Variants in GRM4 observed in about 807,000 individuals in gnomAD.
The protein encoded by GRM4 is metabotropic glutamate receptor 4.
GRM4 carries 28 observed loss-of-function variants against 81.7 expected under a neutral mutation model. The ratio of observed to expected loss-of-function variants is 0.34; its 90% CI spans 0.25 to 0.47. The LOEUF is 0.47. Among genes scored for constraint, GRM4 ranks in the 20% least tolerant of loss-of-function variants. The probability of loss-of-function intolerance (pLI) is 1.00; values close to 1 mark genes in which losing one functional copy is unlikely to be tolerated. For missense variants in GRM4, 948 were observed against 1,290.0 expected, an observed-to-expected ratio of 0.73 and a Z score of 4.06; for synonymous variants, 488 against 528.8, an observed-to-expected ratio of 0.92 and a Z score of 1.06.
intron 2 of GRM4, among the ~76,000 whole-genome samples, chr6:34,094,441 C>T (rs896530457): frequency 2.0e-5 from 3 of 152,208 alleles, no homozygotes; most frequent in African/African-American, 7.2e-5. Flanking sequence ...GAACACTTGG[C>T]ATAAAAACAG....
chr6:34,040,028 C>G (rs1480875447), intron 8 of GRM4, 150 bp downstream of exon 8: 1 of 750,552 alleles, frequency 1.3e-6, no homozygotes, highest in Non-Finnish European at 2.2e-6. Context: ...CCGCTGAGGT[C>G]TGGGAGAGGG....
intron 2 of GRM4, among the ~76,000 whole-genome samples, chr6:34,125,899 C>T (rs986183880): frequency 1.1e-4 from 16 of 152,354 alleles, no homozygotes; most frequent in African/African-American, 3.6e-4. Context: ...AGACCTACTT[C>T]GGACAACCCT....
intron 9 of GRM4, among the ~76,000 whole-genome samples, chr6:34,031,998 C>T (rs1023709131): frequency 2.0e-5 from 3 of 151,972 alleles, no homozygotes; most frequent in African/African-American, 4.8e-5. Flanking sequence ...CACACACACA[C>T]ACCTCTTCAC....
chr6:34,041,670 C>T (rs913014354), intron 6 of GRM4, among the ~76,000 whole-genome samples: 4 of 152,174 alleles, frequency 2.6e-5, no homozygotes, highest in African/African-American at 9.7e-5. Flanking sequence ...GCAGATGGCT[C>T]GTCCACAGTG....
At chr6:34,087,226 C>T (rs753650292) in intron 3 of GRM4, among the ~76,000 whole-genome samples, 4 of 151,610 alleles carry the variant, frequency 2.6e-5, no homozygotes, top group Non-Finnish European at 4.4e-5. Flanking sequence ...CGAGACCAAC[C>T]GGGCCAACAT....
At chr6:34,060,085 G>C (rs545178934) in intron 4 of GRM4, 1 of 152,400 alleles carries the variant, frequency 6.6e-6, no homozygotes, top group Non-Finnish European at 1.5e-5. Context: ...TGCAGGAGGC[G>C]GCCAGCTGGG....
intron 1 of GRM4, among the ~76,000 whole-genome samples, chr6:34,138,310 C>T (rs1007837789): frequency 6.6e-6 from 1 of 152,338 alleles, no homozygotes; most frequent in East Asian, 1.9e-4. Context: ...TTCCTCTCAG[C>T]TCCCAACCTT....
chr6:34,153,534 C>G (rs1771089210), intron 1 of GRM4, among the ~76,000 whole-genome samples: 1 of 152,260 alleles, frequency 6.6e-6, no homozygotes, highest in African/African-American at 2.4e-5. Flanking sequence ...GGCTGACGCT[C>G]TCCTGTGAGC....
intron 1 of GRM4, among the ~76,000 whole-genome samples, chr6:34,137,188 G>A (rs1159334762): frequency 6.6e-6 from 1 of 152,154 alleles, no homozygotes; most frequent in African/African-American, 2.4e-5. Context: ...ACCCCCAGAC[G>A]GGCCTCTTCC....
At chr6:34,045,046 C>CAG (rs1473613744) in intron 6 of GRM4, among the ~76,000 whole-genome samples, 1 of 152,110 alleles carries the variant, frequency 6.6e-6, no homozygotes, top group East Asian at 1.9e-4. Flanking sequence ...CCACACCACA[C>CAG]ACACTCCTCA....
chr6:34,030,736 G>A (rs971112973), intron 9 of GRM4, among the ~76,000 whole-genome samples: 1 of 152,308 alleles, frequency 6.6e-6, no homozygotes, highest in Middle Eastern at 3.4e-3. Flanking sequence ...TGTGCTGGGC[G>A]CTGAAAATTA....
At chr6:34,142,993 C>T (rs543882429) in intron 1 of GRM4, among the ~76,000 whole-genome samples, 20 of 152,244 alleles carry the variant, frequency 1.3e-4, no homozygotes, top group Non-Finnish European at 2.5e-4. Flanking sequence ...CCTAAGAATC[C>T]ATGAGTAGGG....
intron 5 of GRM4, among the ~76,000 whole-genome samples, chr6:34,058,635 G>A (rs1377543897): frequency 6.6e-6 from 1 of 152,164 alleles, no homozygotes; most frequent in Non-Finnish European, 1.5e-5. Flanking sequence ...CCTGGGGCCT[G>A]TCAACCCCAG....
chr6:34,033,596 G>A (rs1764538179), intron 9 of GRM4, among the ~76,000 whole-genome samples: 1 of 152,170 alleles, frequency 6.6e-6, no homozygotes, highest in East Asian at 1.9e-4. Flanking sequence ...CCCATCCCAT[G>A]GCTGCCTCAC....
At chr6:34,044,109 T>G (rs1375202508) in intron 6 of GRM4, among the ~76,000 whole-genome samples, 2 of 132,376 alleles carry the variant, frequency 1.5e-5, no homozygotes, top group Non-Finnish European at 3.1e-5. Context: ...TACATACACA[T>G]ATATACACAG....
chr6:34,087,841 C>CACACACACACAT (rs1767993287), intron 3 of GRM4, among the ~76,000 whole-genome samples: 2 of 151,164 alleles, frequency 1.3e-5, no homozygotes, highest in African/African-American at 4.9e-5. Flanking sequence ...CACACACACA[C>CACACACACACAT]GTCCTGGCCT....
At chr6:34,084,639 A>G (rs1767792588) in intron 3 of GRM4, among the ~76,000 whole-genome samples, 3 of 152,266 alleles carry the variant, frequency 2.0e-5, no homozygotes, top group South Asian at 4.1e-4. Flanking sequence ...GTGCCAAAAC[A>G]TTTCAACATG....
At chr6:34,057,150 G>A (rs958465673) in intron 5 of GRM4, among the ~76,000 whole-genome samples, 5 of 152,096 alleles carry the variant, frequency 3.3e-5, no homozygotes, top group Non-Finnish European at 7.4e-5. Context: ...CATCCAGGAC[G>A]TCCCCATCAC....
chr6:34,076,481 A>G (rs954083130), intron 3 of GRM4, among the ~76,000 whole-genome samples: 5 of 152,224 alleles, frequency 3.3e-5, no homozygotes, highest in Admixed American at 6.5e-5. Context: ...AGCACTGGAT[A>G]TAACCAGACA....
Sources: gnomAD v4.1 joint callset for allele counts (sites outside exome capture counted in the v4.1 genomes callset) on GRCh38, gnomAD v4.1.1 for gene constraint, MANE v1.5 for transcripts, NCBI Gene and HGNC (gene_info 2026-07-23, HGNC 2026-07-21) for gene names.